SGCZ: variants seen among roughly 807,000 people sequenced by gnomAD.
SGCZ encodes the protein zeta-sarcoglycan.
In SGCZ, 40 loss-of-function variants were observed where a neutral mutation model predicts 41.3. The ratio of observed to expected loss-of-function variants is 0.97; its 90% CI spans 0.75 to 1.26. SGCZ has a LOEUF of 1.26. SGCZ is among the 50% of genes most tolerant of loss of function. The pLI, the probability that SGCZ is intolerant of heterozygous loss-of-function variation, is 0.00. For synonymous variants in SGCZ, 206 were observed against 137.5 expected (o/e 1.50, Z -3.49); for missense variants, 552 against 369.8 (o/e 1.49, Z -4.04).
chr8:14,474,479 G>T (rs1009711259), intron 2 of SGCZ, among the ~76,000 whole-genome samples: 1 of 152,118 alleles, frequency 6.6e-6, no homozygotes, highest in Non-Finnish European at 1.5e-5. Context: ...ATTAGTATCA[G>T]ATGCACATTT....
At chr8:14,378,387 A>C (rs1200677291) in intron 2 of SGCZ, among the ~76,000 whole-genome samples, 2 of 152,178 alleles carry the variant, frequency 1.3e-5, no homozygotes, top group Non-Finnish European at 2.9e-5. Flanking sequence ...TTCATGTCTA[A>C]AACACCAAAA....
At chr8:14,818,213 G>A (rs1383320278) in intron 1 of SGCZ, among the ~76,000 whole-genome samples, 1 of 152,074 alleles carries the variant, frequency 6.6e-6, no homozygotes, top group African/African-American at 2.4e-5. Flanking sequence ...AACAGCCACT[G>A]CCTCCCCAGA....
chr8:14,154,136 C>T (rs1459258261), intron 5 of SGCZ, among the ~76,000 whole-genome samples: 3 of 151,934 alleles, frequency 2.0e-5, no homozygotes, highest in Admixed American at 6.5e-5. Context: ...TATGGGAGGC[C>T]GAGGCGGGTG....
At chr8:14,448,079 A>G (rs946416818) in intron 2 of SGCZ, among the ~76,000 whole-genome samples, 1 of 152,160 alleles carries the variant, frequency 6.6e-6, no homozygotes, top group African/African-American at 2.4e-5. Flanking sequence ...GAAAATTGGA[A>G]TTTTCATCGA....
At chr8:15,221,093 C>T (rs558887517) in intron 1 of SGCZ, among the ~76,000 whole-genome samples, 1 of 152,104 alleles carries the variant, frequency 6.6e-6, no homozygotes, top group Non-Finnish European at 1.5e-5. Context: ...AGCAAACCAA[C>T]ATGGCACATG....
intron 4 of SGCZ, among the ~76,000 whole-genome samples, chr8:14,208,500 G>C (rs1361729029): frequency 1.3e-5 from 2 of 152,094 alleles, no homozygotes; most frequent in African/African-American, 4.8e-5. Flanking sequence ...AAATAATTTT[G>C]TCAACCACAT....
At chr8:14,421,256 C>T (rs1221145833) in intron 2 of SGCZ, among the ~76,000 whole-genome samples, 1 of 152,004 alleles carries the variant, frequency 6.6e-6, no homozygotes, top group African/African-American at 2.4e-5. Flanking sequence ...CCTGCCACAC[C>T]TTCTCTTTTT....
Position 15,093,477 on chromosome 8 carries a change from A to C in SGCZ, c.39+144108T>G, listed in dbSNP as rs1012650337. 2.2e-4 allele frequency among the ~76,000 whole-genome samples: 34 copies of C among 152,318 alleles called. 1 individual carries two copies. Among genetic ancestry groups the C allele is most frequent in the Admixed American group, 2.0e-3 (30 of 15,294 alleles). ...GTAGTGATAATTTTGTAGTATAATCAGCATAACAGTTGCTTAGAAAAGGGT... is the reference window on the plus strand; with the variant it reads ...GTAGTGATAATTTTGTAGTATAATCCGCATAACAGTTGCTTAGAAAAGGGT... On this transcript the variant is annotated intron_variant, in intron 1 of 7. Coordinates refer to ENST00000382080, the MANE Select transcript of SGCZ (RefSeq NM_139167.4).
rs138832547 is a variant in SGCZ, at chr8:14,528,835, A to ATAAT, written c.234+25896_234+25897insATTA. On this transcript the variant is annotated intron_variant, in intron 2 of 7. Coordinates refer to ENST00000382080, the MANE Select transcript of SGCZ (RefSeq NM_139167.4). ...CAACATCACGGACCAGCCAAAAAAAAAACAAAACAAAAACAAAAAAAGAGA... is the reference window on the plus strand; with the variant it reads ...CAACATCACGGACCAGCCAAAAAAAATAATAACAAAACAAAAACAAAAAAAGAGA... Among the ~76,000 whole-genome samples, 40 of 124,278 alleles carry ATAAT rather than the reference A, an allele frequency of 3.2e-4. 1 individual carries two copies. The highest frequency in any genetic ancestry group is 1.3e-3 in the African/African-American group (40 of 30,424). The allele number at this position is 124,278 out of a possible 152,430, so 81.5% of individuals were successfully genotyped here.
In SGCZ at chr8:14,774,663, T is replaced by C. The variant is rs1367539998; in HGVS notation, c.40-219737A>G. On this transcript the variant is annotated intron_variant, in intron 1 of 7. Coordinates refer to ENST00000382080, the MANE Select transcript of SGCZ (RefSeq NM_139167.4). ...CCTCAACAGCCTCATGTGTTTTGGA[T>C]CACCCTAGCTTTGACTTTGCTCAAA... 2.6e-5 allele frequency among the ~76,000 whole-genome samples: 4 copies of C among 152,318 alleles called. No individual in the cohort carries two copies. The East Asian group carries it at 5.8e-4, about 22-fold the overall frequency.
intron 2 of SGCZ, among the ~76,000 whole-genome samples, chr8:14,376,356 G>T (rs1294635298): frequency 6.6e-6 from 1 of 151,858 alleles, no homozygotes; most frequent in Non-Finnish European, 1.5e-5. Context: ...AAATACAATG[G>T]AAAAATAACT....
chr8:14,616,152 G>T (rs578118111), intron 1 of SGCZ, among the ~76,000 whole-genome samples: 2 of 151,904 alleles, frequency 1.3e-5, no homozygotes, highest in Admixed American at 6.6e-5. Flanking sequence ...GCGTGGGAGC[G>T]GGCGCCTCTA....
At chr8:14,899,051 TAAG>T (rs1805306903) in intron 1 of SGCZ, among the ~76,000 whole-genome samples, 1 of 152,216 alleles carries the variant, frequency 6.6e-6, no homozygotes, top group African/African-American at 2.4e-5. Context: ...CACTTTTTTT[TAAG>T]AAGTCGTTTT....
chr8:14,372,156 ATC>A (rs1414510914), intron 2 of SGCZ, among the ~76,000 whole-genome samples: 15 of 152,164 alleles, frequency 9.9e-5, no homozygotes, highest in Non-Finnish European at 2.9e-5. Context: ...TAGGTTTTAG[ATC>A]CTAAGGGTAG....
chr8:14,154,946 C>T (rs770282070), intron 5 of SGCZ, among the ~76,000 whole-genome samples: 41 of 152,300 alleles, frequency 2.7e-4, no homozygotes, highest in South Asian at 8.3e-4. Flanking sequence ...TCAGCTGTCG[C>T]CCAGTGGAGC....
At chr8:15,166,381 G>A (rs1408733908) in intron 1 of SGCZ, among the ~76,000 whole-genome samples, 1 of 151,810 alleles carries the variant, frequency 6.6e-6, no homozygotes, top group Non-Finnish European at 1.5e-5. Flanking sequence ...CTGGGTAGCT[G>A]GGACTACAGG....
chr8:14,969,249 A>G (rs970633734), intron 1 of SGCZ, among the ~76,000 whole-genome samples: 1 of 152,148 alleles, frequency 6.6e-6, no homozygotes, highest in African/African-American at 2.4e-5. Context: ...TTGGGTGTCC[A>G]CGAGATATTA....
intron 2 of SGCZ, among the ~76,000 whole-genome samples, chr8:14,409,813 G>T (rs181678869): frequency 6.6e-6 from 1 of 152,148 alleles, no homozygotes; most frequent in African/African-American, 2.4e-5. Flanking sequence ...TGAAAATATT[G>T]CTTTCCTAAT....
At chr8:14,710,169 A>C (rs1263769434) in intron 1 of SGCZ, among the ~76,000 whole-genome samples, 1 of 151,818 alleles carries the variant, frequency 6.6e-6, no homozygotes, top group Non-Finnish European at 1.5e-5. Flanking sequence ...GATCGAGACC[A>C]TCCTGGCTAA....
Sources: gnomAD v4.1 joint callset for allele counts (sites outside exome capture counted in the v4.1 genomes callset) on GRCh38, gnomAD v4.1.1 for gene constraint, MANE v1.5 for transcripts, NCBI Gene and HGNC (gene_info 2026-07-23, HGNC 2026-07-21) for gene names.